RPS6KC1: variants seen among roughly 807,000 people sequenced by gnomAD.
RPS6KC1 encodes inactive ribosomal protein S6 kinase delta-1.
A neutral mutation model predicts 103.8 loss-of-function variants in RPS6KC1; 54 were observed. The observed-to-expected ratio is 0.52, with a 90% CI of 0.42 to 0.65. The LOEUF is 0.65. Ranked by LOEUF, RPS6KC1 falls within the 30% of genes least tolerant of loss-of-function variation. The probability of loss-of-function intolerance (pLI) is 0.00; values close to 1 mark genes in which losing one functional copy is unlikely to be tolerated. For synonymous variants in RPS6KC1, 439 were observed against 438.7 expected (o/e 1.00, Z -0.01); for missense variants, 1,151 against 1,253.8 (o/e 0.92, Z 1.24).
At chr1:213,698,060 C>T in the RPS6KC1 span, among the ~76,000 whole-genome samples, 1 of 152,158 alleles carries the variant, frequency 6.6e-6, no homozygotes, top group Non-Finnish European at 1.5e-5. Context: ...AGACCATCCC[C>T]AACTTACAAT....
the RPS6KC1 span, among the ~76,000 whole-genome samples, chr1:213,746,726 T>G: frequency 4.6e-5 from 7 of 151,512 alleles, no homozygotes; most frequent in East Asian, 1.4e-3. Context: ...GGCAGCAGAG[T>G]GGAGGCGGTG....
the RPS6KC1 span, among the ~76,000 whole-genome samples, chr1:213,570,458 T>C: frequency 6.6e-6 from 1 of 152,182 alleles, no homozygotes; most frequent in Non-Finnish European, 1.5e-5. Flanking sequence ...CATTTCCTCA[T>C]GGTTCCTGAA....
chr1:213,197,512 G>A (rs187484089), intron 8 of RPS6KC1, among the ~76,000 whole-genome samples: 180 of 150,178 alleles, frequency 1.2e-3, no homozygotes, highest in African/African-American at 3.3e-3. Context: ...CCTTGGTTAG[G>A]TGTATTCCTA....
the RPS6KC1 span, among the ~76,000 whole-genome samples, chr1:213,489,817 G>A: frequency 6.6e-6 from 1 of 152,186 alleles, no homozygotes; most frequent in Admixed American, 6.5e-5. Flanking sequence ...ATGTTCAATG[G>A]AAAAAGCAGG....
In RPS6KC1 at chr1:213,065,616, C is replaced by T. The variant is rs561360973; in HGVS notation, c.106-5390C>T. On this transcript the variant is annotated intron_variant, in intron 1 of 14. Coordinates refer to ENST00000366960, the MANE Select transcript of RPS6KC1 (RefSeq NM_012424.6). ...AAGTATTTAAATGAGATGACACATT[C>T]GGGAATACTGAATCCCTAATAGTGG... Among the ~76,000 whole-genome samples the T allele has an allele frequency of 1.2e-4, 18 of 152,234 alleles. No homozygotes were observed. In the South Asian group the frequency reaches 2.5e-3, roughly 21 times the overall value.
At chr1:213,104,232 G>A (rs573470120) in intron 3 of RPS6KC1, among the ~76,000 whole-genome samples, 2 of 152,064 alleles carry the variant, frequency 1.3e-5, no homozygotes, top group African/African-American at 4.8e-5. Flanking sequence ...TTTATTTATC[G>A]GTTGACACCT....
At chr1:213,583,820 CAA>C in the RPS6KC1 span, among the ~76,000 whole-genome samples, 41 of 76,660 alleles carry the variant, frequency 5.3e-4, no homozygotes, top group Non-Finnish European at 8.0e-4. Flanking sequence ...GATTCTGTCT[CAA>C]AAAAAAAAAA....
At chr1:213,169,713 A>G (rs2091307160) in intron 7 of RPS6KC1, among the ~76,000 whole-genome samples, 1 of 151,694 alleles carries the variant, frequency 6.6e-6, no homozygotes, top group Admixed American at 6.6e-5. Context: ...TTCCCTGTGA[A>G]CTTGCTTTAC....
chr1:213,741,325 A>T, the RPS6KC1 span, among the ~76,000 whole-genome samples: 1 of 152,110 alleles, frequency 6.6e-6, no homozygotes, highest in Non-Finnish European at 1.5e-5. Context: ...TAGTCACCAG[A>T]AGCAATGTTT....
intron 1 of RPS6KC1, among the ~76,000 whole-genome samples, chr1:213,052,113 G>A (rs989166701): frequency 6.6e-6 from 1 of 152,146 alleles, no homozygotes; most frequent in African/African-American, 2.4e-5. Context: ...TTAAAGTTGG[G>A]AGGCTCCTTT....
chr1:213,704,260 G>A, the RPS6KC1 span, among the ~76,000 whole-genome samples: 14 of 151,048 alleles, frequency 9.3e-5, no homozygotes, highest in East Asian at 1.9e-4. Context: ...GGTGGCGGGC[G>A]CCTGTAGTCC....
chr1:213,078,003 A>C (rs746591900), intron 3 of RPS6KC1, among the ~76,000 whole-genome samples, 187 bp downstream of exon 3: 3 of 152,074 alleles, frequency 2.0e-5, no homozygotes, highest in Non-Finnish European at 4.4e-5. Flanking sequence ...GAATATATTT[A>C]CTCTTCCTAT....
At chr1:213,485,271 C>A in the RPS6KC1 span, among the ~76,000 whole-genome samples, 1 of 152,182 alleles carries the variant, frequency 6.6e-6, no homozygotes, top group Non-Finnish European at 1.5e-5. Context: ...TTCTCCCAAC[C>A]AATGAGTGAG....
the RPS6KC1 span, among the ~76,000 whole-genome samples, chr1:213,569,927 G>A: frequency 6.6e-6 from 1 of 152,200 alleles, no homozygotes; most frequent in Non-Finnish European, 1.5e-5. Flanking sequence ...CTTTCCATAG[G>A]AAGTTAATTG....
the RPS6KC1 span, among the ~76,000 whole-genome samples, chr1:213,621,588 CAT>C: frequency 0.15 from 22,921 of 152,024 alleles, 2,019 homozygotes; most frequent in East Asian, 0.31. Context: ...AAGGAACTAA[CAT>C]GTGTGATGAA....
At chr1:213,743,926 C>T in the RPS6KC1 span, among the ~76,000 whole-genome samples, 2 of 152,144 alleles carry the variant, frequency 1.3e-5, no homozygotes, top group East Asian at 1.9e-4. Flanking sequence ...GGTATGTATA[C>T]ACCATGGAAT....
At chr1:213,772,630 G>T in the RPS6KC1 span, among the ~76,000 whole-genome samples, 1 of 149,686 alleles carries the variant, frequency 6.7e-6, no homozygotes, top group African/African-American at 2.5e-5. Context: ...AGATGGAGTG[G>T]TTTCTGAGTG....
At chr1:213,164,999 CA>C (rs2090823487) in intron 6 of RPS6KC1, among the ~76,000 whole-genome samples, 1 of 152,078 alleles carries the variant, frequency 6.6e-6, no homozygotes, top group Non-Finnish European at 1.5e-5. Flanking sequence ...GTTAATTAAA[CA>C]TTTTTTGGTC....
At chr1:213,334,680 A>G in the RPS6KC1 span, among the ~76,000 whole-genome samples, 1 of 152,230 alleles carries the variant, frequency 6.6e-6, no homozygotes, top group Non-Finnish European at 1.5e-5. Flanking sequence ...CAGGGTCTGC[A>G]TGAGGGAGGG....
Sources: allele counts gnomAD v4.1 joint callset (sites outside exome capture counted in the v4.1 genomes callset), GRCh38; gene constraint gnomAD v4.1.1; transcripts MANE v1.5; gene names NCBI Gene and HGNC (gene_info 2026-07-23, HGNC 2026-07-21).